The following NEDD4L variants were observed in gnomAD, a reference collection of about 807,000 sequenced individuals.
The protein encoded by NEDD4L is E3 ubiquitin-protein ligase NEDD4-like.
A neutral mutation model predicts 148.9 loss-of-function variants in NEDD4L; 54 were observed. The ratio of observed to expected loss-of-function variants is 0.36; its 90% CI spans 0.29 to 0.45. The LOEUF is 0.45. Ranked by LOEUF, NEDD4L falls within the 20% of genes least tolerant of loss-of-function variation. The pLI, the probability that NEDD4L is intolerant of heterozygous loss-of-function variation, is 1.00. For synonymous variants in NEDD4L, 433 were observed against 440.7 expected, an observed-to-expected ratio of 0.98 and a Z score of 0.22; for missense variants, 856 against 1,233.8, an observed-to-expected ratio of 0.69 and a Z score of 4.59.
At chr18:58,177,483 G>A (rs1366968707) in intron 2 of NEDD4L, among the ~76,000 whole-genome samples, 1 of 152,238 alleles carries the variant, frequency 6.6e-6, no homozygotes, top group East Asian at 1.9e-4. Context: ...CGTGGCTGCC[G>A]GCGTCCCCAC....
chr18:58,289,566 G>A (rs570071244), intron 5 of NEDD4L, among the ~76,000 whole-genome samples: 43 of 152,298 alleles, frequency 2.8e-4, no homozygotes, highest in Non-Finnish European at 5.6e-4. Context: ...CATGCCTCTC[G>A]AGGTGTAAGA....
chr18:58,079,403 A>G (rs2083324212), intron 1 of NEDD4L, among the ~76,000 whole-genome samples: 2 of 152,304 alleles, frequency 1.3e-5, no homozygotes, highest in East Asian at 1.9e-4. Context: ...ATTTTATGTA[A>G]CAAACACTCA....
At chr18:58,201,501 A>G (rs1363988268) in intron 2 of NEDD4L, among the ~76,000 whole-genome samples, 1 of 152,208 alleles carries the variant, frequency 6.6e-6, no homozygotes, top group Non-Finnish European at 1.5e-5. Context: ...AGGCAGTTAA[A>G]TATTTCTTGG....
intron 1 of NEDD4L, among the ~76,000 whole-genome samples, chr18:58,144,762 C>T (rs1375741984): frequency 6.6e-6 from 1 of 152,220 alleles, no homozygotes; most frequent in African/African-American, 2.4e-5. Flanking sequence ...AGTGTGTCTA[C>T]ACACCATTTA....
chr18:58,196,483 T>A (rs2040706743), intron 2 of NEDD4L, among the ~76,000 whole-genome samples: 1 of 152,200 alleles, frequency 6.6e-6, no homozygotes, highest in Non-Finnish European at 1.5e-5. Context: ...ATGAGGTGCA[T>A]AATCATTACT....
chr18:58,180,695 A>C lies in NEDD4L; in HGVS notation c.122+14834A>C, dbSNP rs141302108. On this transcript the variant is annotated intron_variant, in intron 2 of 30. Coordinates refer to ENST00000400345, the MANE Select transcript of NEDD4L (RefSeq NM_001144967.3). ...GTAGGTTTAGGACATTCTTTAAAAC[A>C]TGCAGGTTCTGAATTTTAATAATAT... is the stretch of plus-strand genomic sequence containing the variant. Among the ~76,000 whole-genome samples the C allele has an allele frequency of 2.0e-5, 3 of 152,340 alleles. No individual in the cohort carries two copies. The East Asian group carries it at 5.8e-4, about 29-fold the overall frequency.
chr18:58,132,907 C>T (rs2032354005), intron 1 of NEDD4L, among the ~76,000 whole-genome samples: 1 of 152,146 alleles, frequency 6.6e-6, no homozygotes, highest in Non-Finnish European at 1.5e-5. Context: ...TCAGACAAAT[C>T]GATTAGGAGA....
At chr18:58,177,043 T>C (rs2038242497) in intron 2 of NEDD4L, among the ~76,000 whole-genome samples, 1 of 151,918 alleles carries the variant, frequency 6.6e-6, no homozygotes, top group South Asian at 2.1e-4. Context: ...ATGAGGCCAG[T>C]CCTAGGGCTG....
At chr18:58,364,829 T>C (rs2045910520) in intron 20 of NEDD4L, among the ~76,000 whole-genome samples, 1 of 152,356 alleles carries the variant, frequency 6.6e-6, no homozygotes, top group Admixed American at 6.5e-5. Flanking sequence ...CTTATAATTA[T>C]CCCTGGCAGT....
intron 2 of NEDD4L, among the ~76,000 whole-genome samples, chr18:58,238,387 ACT>A (rs1357230079): frequency 6.6e-6 from 1 of 152,136 alleles, no homozygotes; most frequent in Admixed American, 6.5e-5. Flanking sequence ...TGTATATGTA[ACT>A]GTTATTAGTT....
rs375818396 is a variant in NEDD4L, at chr18:58,195,774, T to C, written c.122+29913T>C. ...GGTTCCGTTCCCTTTATTACTCGATTAGTGCCCACAGCATCAGGAGAAGGT... is the reference window on the plus strand; with the variant it reads ...GGTTCCGTTCCCTTTATTACTCGATCAGTGCCCACAGCATCAGGAGAAGGT... On this transcript the variant is annotated intron_variant, in intron 2 of 30. Coordinates refer to ENST00000400345, the MANE Select transcript of NEDD4L (RefSeq NM_001144967.3). 415 of 1,207,642 alleles carry C rather than the reference T, an allele frequency of 3.4e-4. 2 individuals are homozygous for C. Among genetic ancestry groups the C allele is most frequent in the South Asian group, 2.4e-3 (204 of 85,164 alleles). The allele number at this position is 1,207,642 out of a possible 1,614,324, so 74.8% of individuals were successfully genotyped here.
At chr18:58,346,423 C>T (rs752308785) in intron 16 of NEDD4L, among the ~76,000 whole-genome samples, 7 of 152,168 alleles carry the variant, frequency 4.6e-5, no homozygotes, top group Non-Finnish European at 8.8e-5. Context: ...GGATGTTCAA[C>T]GCATATTAGT....
chr18:58,194,570 C>A (rs1035412563), intron 2 of NEDD4L, among the ~76,000 whole-genome samples: 1 of 152,124 alleles, frequency 6.6e-6, no homozygotes, highest in Admixed American at 6.5e-5. Context: ...ACAGAAGAAA[C>A]CCCCTCTGCC....
At chr18:58,359,528 A>G (rs1309659926) in intron 19 of NEDD4L, among the ~76,000 whole-genome samples, 3 of 152,194 alleles carry the variant, frequency 2.0e-5, no homozygotes, top group Non-Finnish European at 4.4e-5. Context: ...CTAATAGTCA[A>G]ATAGTCATTA....
At chr18:58,373,100 G>A in intron 23 of NEDD4L, 74 bp from the exon 24 acceptor site, 1 of 780,438 alleles carries the variant, frequency 1.3e-6, no homozygotes, top group South Asian at 1.5e-5. Context: ...ACATTAGAAT[G>A]TAATTAAAGA....
chr18:58,381,692 G>A (rs2048355459), intron 24 of NEDD4L, among the ~76,000 whole-genome samples: 1 of 152,138 alleles, frequency 6.6e-6, no homozygotes, highest in Non-Finnish European at 1.5e-5. Flanking sequence ...AGGCAGTCTG[G>A]GGAGGAATAA....
At chr18:58,312,563 C>G (rs2057819870) in intron 5 of NEDD4L, among the ~76,000 whole-genome samples, 1 of 152,204 alleles carries the variant, frequency 6.6e-6, no homozygotes, top group Non-Finnish European at 1.5e-5. Flanking sequence ...GTTCCTCTTA[C>G]CATCAAACAG....
chr18:58,058,278 C>G (rs2082176385), intron 1 of NEDD4L, among the ~76,000 whole-genome samples: 1 of 152,202 alleles, frequency 6.6e-6, no homozygotes, highest in Non-Finnish European at 1.5e-5. Context: ...TGCACTCTAG[C>G]CTGGCGACAG....
intron 1 of NEDD4L, among the ~76,000 whole-genome samples, chr18:58,148,235 G>A (rs1466536051): frequency 6.6e-6 from 1 of 151,044 alleles, no homozygotes; most frequent in Non-Finnish European, 1.5e-5. Flanking sequence ...GTGTGATCTT[G>A]GCTCACTGCA....
Sources: allele counts gnomAD v4.1 joint callset (sites outside exome capture counted in the v4.1 genomes callset), GRCh38; gene constraint gnomAD v4.1.1; transcripts MANE v1.5; gene names NCBI Gene and HGNC (gene_info 2026-07-23, HGNC 2026-07-21).